Variants in ADARB2 observed in about 807,000 individuals in gnomAD.
ADARB2 encodes adenosine deaminase RNA specific B2 (inactive).
Under a neutral mutation model 62.2 loss-of-function variants are expected in ADARB2, and 25 were observed. The ratio of observed to expected loss-of-function variants is 0.40; its 90% CI spans 0.29 to 0.56. The LOEUF (loss-of-function observed/expected upper bound fraction) is 0.56, where lower values mean the gene tolerates loss of function less well. Among genes scored for constraint, ADARB2 ranks in the 20% least tolerant of loss-of-function variants. ADARB2 has a pLI of 0.43. For synonymous variants in ADARB2, 572 were observed against 500.8 expected (o/e 1.14, Z -1.90); for missense variants, 1,071 against 1,077.4 (o/e 0.99, Z 0.08).
At chr10:1,529,848 C>T (rs555341653) in intron 1 of ADARB2, among the ~76,000 whole-genome samples, 5 of 152,306 alleles carry the variant, frequency 3.3e-5, no homozygotes, top group Non-Finnish European at 5.9e-5. Context: ...GCTGGGAAGC[C>T]GCTCTCTGCT....
chr10:1,492,930 T>C (rs1425093230), intron 1 of ADARB2, among the ~76,000 whole-genome samples: 1 of 152,188 alleles, frequency 6.6e-6, no homozygotes, highest in Non-Finnish European at 1.5e-5. Context: ...CAGGCCTTGA[T>C]GCCAGCATCT....
chr10:1,481,637 T>G (rs1387055199), intron 1 of ADARB2, among the ~76,000 whole-genome samples: 1 of 19,528 alleles, frequency 5.1e-5, no homozygotes, highest in South Asian at 0.056. Context: ...AGTGTGCGGA[T>G]CACGAGGTCA....
At chr10:1,361,515 G>A (rs1832255077) in intron 3 of ADARB2, 1 of 152,216 alleles carries the variant, frequency 6.6e-6, no homozygotes, top group Non-Finnish European at 1.5e-5. Flanking sequence ...ACCACCGGAT[G>A]TTCCACAAGT....
chr10:1,502,812 T>C (rs575271104), intron 1 of ADARB2, among the ~76,000 whole-genome samples: 1 of 152,380 alleles, frequency 6.6e-6, no homozygotes, highest in East Asian at 1.9e-4. Context: ...TGTCTGGTTA[T>C]TGCATTAAAA....
At chr10:1,518,117 C>G (rs548897137) in intron 1 of ADARB2, among the ~76,000 whole-genome samples, 1 of 152,188 alleles carries the variant, frequency 6.6e-6, no homozygotes, top group Non-Finnish European at 1.5e-5. Flanking sequence ...GAGGCCAACC[C>G]GTTAGAAAAG....
intron 1 of ADARB2, among the ~76,000 whole-genome samples, chr10:1,654,212 C>T (rs1323758908): frequency 6.6e-6 from 1 of 152,168 alleles, no homozygotes; most frequent in Non-Finnish European, 1.5e-5. Context: ...TCAGTAGCAA[C>T]CTGAGGTGAT....
At chr10:1,212,645 T>C (rs1014029684) in intron 7 of ADARB2, among the ~76,000 whole-genome samples, 2 of 151,772 alleles carry the variant, frequency 1.3e-5, no homozygotes, top group African/African-American at 4.8e-5. Flanking sequence ...TGTCCCTGAG[T>C]CCACCCCACC....
chr10:1,589,218 G>A lies in ADARB2; in HGVS notation c.100+147833C>T, dbSNP rs1833216772. ...GGCGAACAGATGGTGGGCATTTTTAGGACTGATACTTTCATATGGGAACCT... is the reference window on the plus strand; with the variant it reads ...GGCGAACAGATGGTGGGCATTTTTAAGACTGATACTTTCATATGGGAACCT... On this transcript the variant is annotated intron_variant, in intron 1 of 9. Coordinates refer to ENST00000381312, the MANE Select transcript of ADARB2 (RefSeq NM_018702.4). 2.0e-5 allele frequency among the ~76,000 whole-genome samples: 3 copies of A among 152,214 alleles called. No individual in the cohort carries two copies. In the South Asian group the frequency reaches 6.2e-4, roughly 32 times the overall value.
intron 3 of ADARB2, among the ~76,000 whole-genome samples, chr10:1,337,326 G>A (rs1297783492): frequency 6.6e-6 from 1 of 152,194 alleles, no homozygotes; most frequent in African/African-American, 2.4e-5. Context: ...TGCATGGACT[G>A]CAATCAGAGA....
In ADARB2 at chr10:1,184,883, C is replaced by T. The variant is rs143420247; in HGVS notation, c.2021G>A (p.Arg674Gln). Residue 674 changes from arginine (R) to glutamine (Q), a missense_variant, in exon 9 of 10, where the codon CGG becomes CAG. Arg to Gln is a conservative substitution (Grantham distance 43). Transcript: ENST00000381312. ...SRLCKHVLSA[R>Q]WARLYGRLST... ...TACCCTGCCATACAGCCGCGCCCAC[C>T]GTGCAGACAGCACGTGCTTGCAGAG... 1.2e-4 allele frequency: 190 copies of T among 1,613,510 alleles called. No homozygotes were observed. Among genetic ancestry groups the T allele is most frequent in the Non-Finnish European group, 1.4e-4 (162 of 1,179,968 alleles).
At chr10:1,393,528 A>G (rs72762971) in intron 1 of ADARB2, among the ~76,000 whole-genome samples, 1,914 of 152,214 alleles carry the variant, frequency 0.013, 12 homozygotes, top group South Asian at 0.036. Flanking sequence ...TTTAATTTCT[A>G]AGGCATTTTG....
At chr10:1,389,746 C>G (rs927996500) in intron 1 of ADARB2, among the ~76,000 whole-genome samples, 1 of 108,248 alleles carries the variant, frequency 9.2e-6, no homozygotes, top group Admixed American at 1.2e-4. Flanking sequence ...GACTCTGACT[C>G]AAAAATAAAT....
At chr10:1,257,436 G>T (rs1831089826) in intron 4 of ADARB2, among the ~76,000 whole-genome samples, 1 of 152,158 alleles carries the variant, frequency 6.6e-6, no homozygotes, top group South Asian at 2.1e-4. Context: ...CTCAGCCCGA[G>T]ACCCCACTTC....
chr10:1,663,821 T>C (rs941143353), intron 1 of ADARB2, among the ~76,000 whole-genome samples: 2 of 152,196 alleles, frequency 1.3e-5, no homozygotes, highest in African/African-American at 4.8e-5. Context: ...TTTCGCCATC[T>C]TGACCAGGCT....
chr10:1,184,970 C>T lies in ADARB2; in HGVS notation c.1934G>A (p.Ser645Asn). The change falls in exon 9 of 10, where the codon AGC becomes AAC. Residue 645 changes from serine to asparagine, a missense_variant. By Grantham distance (46) the Ser-to-Asn change is conservative. Transcript: ENST00000381312. ...PPFSMNWVVG[S>N]ADLEIINATT... ...GGCGTTGATAATCTCCAGGTCCGCG[C>T]TGCCCACGACCCAGTTCATGCTGAA... 6.2e-7 allele frequency: 1 copy of T among 1,613,872 alleles called. No individual in the cohort carries two copies.
intron 1 of ADARB2, among the ~76,000 whole-genome samples, chr10:1,648,549 G>C (rs1280327175): frequency 6.6e-6 from 1 of 152,156 alleles, no homozygotes; most frequent in Non-Finnish European, 1.5e-5. Flanking sequence ...CTCGAGAACT[G>C]TTCACTTAGA....
At chr10:1,203,232 A>G (rs992267572) in intron 7 of ADARB2, among the ~76,000 whole-genome samples, 14 of 152,060 alleles carry the variant, frequency 9.2e-5, no homozygotes, top group African/African-American at 2.9e-4. Flanking sequence ...AATACCACAG[A>G]TAAGTGGGGA....
intron 1 of ADARB2, among the ~76,000 whole-genome samples, chr10:1,415,822 T>C (rs1832797001): frequency 6.6e-6 from 1 of 152,212 alleles, no homozygotes; most frequent in Non-Finnish European, 1.5e-5. Flanking sequence ...ACTTTCTCAA[T>C]TGCCACCTCT....
chr10:1,495,822 TCAC>T (rs1416699609), intron 1 of ADARB2, among the ~76,000 whole-genome samples: 6 of 151,956 alleles, frequency 3.9e-5, no homozygotes, highest in Admixed American at 2.0e-4. Flanking sequence ...ACTGTCATCA[TCAC>T]CACCATTATC....
Sources: allele counts gnomAD v4.1 joint callset (sites outside exome capture counted in the v4.1 genomes callset), GRCh38; gene constraint gnomAD v4.1.1; transcripts MANE v1.5; gene names NCBI Gene and HGNC (gene_info 2026-07-23, HGNC 2026-07-21).